The following ITGB6 variants were observed in gnomAD, a reference collection of about 807,000 sequenced individuals.
ITGB6 encodes the protein integrin beta-6.
Under a neutral mutation model 84.5 loss-of-function variants are expected in ITGB6, and 80 were observed. The observed-to-expected ratio is 0.95, with a 90% CI of 0.79 to 1.14. The LOEUF (loss-of-function observed/expected upper bound fraction) is 1.14, where lower values mean the gene tolerates loss of function less well. Among genes scored for constraint, ITGB6 ranks in the 50% most tolerant of loss-of-function variants. The pLI, the probability that ITGB6 is intolerant of heterozygous loss-of-function variation, is 0.00. For synonymous variants in ITGB6, 383 were observed against 354.9 expected (o/e 1.08, Z -0.89); for missense variants, 1,006 against 968.0 (o/e 1.04, Z -0.52).
rs367637964 is a variant in ITGB6, at chr2:160,171,420, C to T, written c.921+1149G>A. ...TGCGATCTTGGCTCACTGCAAGCTG[C>T]GCCTCCTGGGTTCACACCATTCTCC... On this transcript the variant is annotated intron_variant, in intron 6 of 14. Transcript: ENST00000283249. 2.9e-4 allele frequency among the ~76,000 whole-genome samples: 43 copies of T among 150,356 alleles called. 1 individual carries two copies. In the East Asian group the frequency reaches 7.3e-3, roughly 25 times the overall value.
In ITGB6 at chr2:160,138,205, G is replaced by C. The variant is rs1157388626; in HGVS notation, c.1108-6C>G. On this transcript the variant is annotated splice_region_variant and splice_polypyrimidine_tract_variant and intron_variant, in intron 8 of 14. Coordinates refer to ENST00000283249, the MANE Select transcript of ITGB6 (RefSeq NM_000888.5). The stretch of plus-strand genomic sequence containing the variant: ...TCCACCTCAGACCGCAGTTCCTTTA[G>C]TTACAACATAAAGAGTTCAGTGAAG... 6.2e-7 allele frequency: 1 copy of C among 1,601,098 alleles called. No individual in the cohort carries two copies. Among genetic ancestry groups the C allele is most frequent in the Non-Finnish European group, 8.5e-7 (1 of 1,176,302 alleles).
At chr2:160,157,672 C>T (rs534104762) in intron 7 of ITGB6, among the ~76,000 whole-genome samples, 26 of 139,806 alleles carry the variant, frequency 1.9e-4, no homozygotes, top group African/African-American at 6.4e-4. Flanking sequence ...GGAGAAAAAG[C>T]GTTGTGGCTG....
chr2:160,101,860 G>T, intron 14 of ITGB6, 26 bp from the exon 15 acceptor site: 1 of 1,301,404 alleles, frequency 7.7e-7, no homozygotes, highest in Non-Finnish European at 1.1e-6. Flanking sequence ...AGATTCAAGT[G>T]AAAGTATGTA....
In ITGB6 at chr2:160,196,380, G is replaced by A. The variant is rs1219149761; in HGVS notation, c.182C>T (p.Thr61Ile). The A allele has an allele frequency of 1.9e-6, 3 of 1,613,866 alleles. No homozygotes were observed. The highest frequency in any genetic ancestry group is 1.7e-5 in the Admixed American group (1 of 59,988). ...HPSGVGERCD[T>I]PANLLAKGCQ... ...TCCTTTAGCTAAAAGGTTTGCTGGG[G>A]TATCACACCTTTCGCCAACTCCAGA... is the stretch of plus-strand genomic sequence containing the variant. The change falls in exon 3 of 15, where the codon ACC (threonine) becomes ATC (isoleucine). Residue 61 changes from threonine to isoleucine, a missense_variant. Coordinates refer to ENST00000283249, the MANE Select transcript of ITGB6 (RefSeq NM_000888.5).
intron 10 of ITGB6, among the ~76,000 whole-genome samples, chr2:160,132,475 T>C (rs1395807199): frequency 6.6e-6 from 1 of 152,172 alleles, no homozygotes; most frequent in African/African-American, 2.4e-5. Flanking sequence ...GGTCTTTTAT[T>C]TCCCCCAAAA....
chr2:160,123,727 G>A, intron 12 of ITGB6, 64 bp downstream of exon 12: 1 of 1,242,346 alleles, frequency 8.0e-7, no homozygotes, highest in Non-Finnish European at 1.2e-6. Context: ...TTCACAGAGG[G>A]TCAAGAACTA....
At position 160,200,113 on chromosome 2, in the gene ITGB6, G is replaced by A; in HGVS notation, c.-50C>T. On this transcript the variant is annotated 5_prime_UTR_variant, in exon 1 of 15. Coordinates refer to ENST00000283249, the MANE Select transcript of ITGB6 (RefSeq NM_000888.5). ...CCGATTAAAAAATGAATTACCTTCA[G>A]CGTTACAAGACCAACGCTGAATATC... is the stretch of plus-strand genomic sequence containing the variant. 1 of 1,484,048 alleles carries A rather than the reference G, an allele frequency of 6.7e-7. No individual in the cohort carries two copies. The highest frequency in any genetic ancestry group is 2.3e-5 in the East Asian group (1 of 44,094). 91.9% of individuals were successfully genotyped at this position (1,484,048 alleles called of 1,614,324 possible).
intron 12 of ITGB6, among the ~76,000 whole-genome samples, chr2:160,114,151 G>T (rs1682656289): frequency 6.6e-6 from 1 of 152,104 alleles, no homozygotes; most frequent in Non-Finnish European, 1.5e-5. Flanking sequence ...TTAATGGAAT[G>T]GCAGAATATG....
chr2:160,161,454 C>T lies in ITGB6; in HGVS notation c.1017+7758G>A, dbSNP rs1684811046. Reference sequence around the variant, plus strand: ...TACAGGCACATGCCACCACACTTGGCTGATTTTTGTATTTTTAGTAGAGAC... The same window carrying T: ...TACAGGCACATGCCACCACACTTGGTTGATTTTTGTATTTTTAGTAGAGAC... On this transcript the variant is annotated intron_variant, in intron 7 of 14. Coordinates refer to ENST00000283249, the MANE Select transcript of ITGB6 (RefSeq NM_000888.5). Among the ~76,000 whole-genome samples the T allele has an allele frequency of 2.0e-5, 3 of 152,148 alleles. No homozygotes were observed. In the South Asian group the frequency reaches 6.2e-4, roughly 31 times the overall value.
At chr2:160,183,567 A>G (rs974830962) in intron 4 of ITGB6, among the ~76,000 whole-genome samples, 1 of 152,150 alleles carries the variant, frequency 6.6e-6, no homozygotes, top group African/African-American at 2.4e-5. Flanking sequence ...CACTGTCAAT[A>G]TTAGACAGAT....
At chr2:160,103,909 C>T (rs1696810680) in intron 14 of ITGB6, among the ~76,000 whole-genome samples, 1 of 152,176 alleles carries the variant, frequency 6.6e-6, no homozygotes, top group South Asian at 2.1e-4. Flanking sequence ...TATATCATGT[C>T]AAACATACTA....
At chr2:160,137,375 C>G in intron 10 of ITGB6, 59 bp downstream of exon 10, 1 of 1,516,802 alleles carries the variant, frequency 6.6e-7, no homozygotes, top group East Asian at 2.3e-5. Context: ...CAGAGGATGC[C>G]AAGCCCCTTG....
chr2:160,131,624 A>G (rs898514961), intron 10 of ITGB6, among the ~76,000 whole-genome samples: 7 of 152,286 alleles, frequency 4.6e-5, no homozygotes, highest in Non-Finnish European at 8.8e-5. Flanking sequence ...CTTTCATTAT[A>G]CCATTTGAAA....
intron 2 of ITGB6, among the ~76,000 whole-genome samples, chr2:160,197,946 A>G (rs965931920): frequency 2.0e-5 from 3 of 152,250 alleles, no homozygotes; most frequent in Non-Finnish European, 4.4e-5. Flanking sequence ...GTGGCCTCTT[A>G]GAATAATTTG....
Position 160,133,806 on chromosome 2 carries a change from C to T in ITGB6, c.1660+3628G>A, listed in dbSNP as rs1035072377. Among the ~76,000 whole-genome samples, 3 of 152,308 alleles carry T rather than the reference C, an allele frequency of 2.0e-5. No homozygotes were observed. In the South Asian group the frequency reaches 6.2e-4, roughly 32 times the overall value. ...TGAACAACCTGCAACTGAATGACTA[C>T]TGCGTACATAACAAAATGAAGGCAG... On this transcript the variant is annotated intron_variant, in intron 10 of 14. Coordinates refer to ENST00000283249, the MANE Select transcript of ITGB6 (RefSeq NM_000888.5).
At chr2:160,182,570 C>T (rs905200564) in intron 4 of ITGB6, among the ~76,000 whole-genome samples, 1 of 152,168 alleles carries the variant, frequency 6.6e-6, no homozygotes, top group Non-Finnish European at 1.5e-5. Flanking sequence ...GAACACTCTT[C>T]AGGATATTAT....
intron 14 of ITGB6, among the ~76,000 whole-genome samples, chr2:160,106,493 C>T (rs1327309444): frequency 6.6e-6 from 1 of 152,164 alleles, no homozygotes; most frequent in African/African-American, 2.4e-5. Flanking sequence ...CCTGTCTTGG[C>T]CTCCCAAAGT....
rs372782711 is a variant in ITGB6, at chr2:160,183,244, C to T, written c.594-9105G>A. Among the ~76,000 whole-genome samples, 6 of 152,222 alleles carry T rather than the reference C, an allele frequency of 3.9e-5. No homozygotes were observed. In the East Asian group the frequency reaches 1.2e-3, roughly 29 times the overall value. On this transcript the variant is annotated intron_variant, in intron 4 of 14. Transcript: ENST00000283249. The stretch of plus-strand genomic sequence containing the variant: ...CCCATTGGTGTGTATTCAGGAGACA[C>T]ATGTCACGTACAAAGACACGCATGG...
At chr2:160,114,930 C>CG (rs1221687590) in intron 12 of ITGB6, among the ~76,000 whole-genome samples, 1 of 152,174 alleles carries the variant, frequency 6.6e-6, no homozygotes, top group African/African-American at 2.4e-5. Flanking sequence ...CACTGCTAGG[C>CG]GGCAGCGAGG....
Sources: allele counts gnomAD v4.1 joint callset (sites outside exome capture counted in the v4.1 genomes callset), GRCh38; gene constraint gnomAD v4.1.1; transcripts MANE v1.5; gene names NCBI Gene and HGNC (gene_info 2026-07-23, HGNC 2026-07-21).